The following ANKRD36 variants were observed in gnomAD, a reference collection of about 807,000 sequenced individuals.
ANKRD36 encodes the protein ankyrin repeat domain-containing protein 36A.
Under a neutral mutation model 278.1 loss-of-function variants are expected in ANKRD36, and 179 were observed. That is an observed-to-expected ratio of 0.64 (90% CI 0.57 to 0.73). ANKRD36 has a LOEUF of 0.73. ANKRD36 is among the 30% of genes least tolerant of loss of function. The pLI, the probability that ANKRD36 is intolerant of heterozygous loss-of-function variation, is 0.00. For synonymous variants in ANKRD36, 320 were observed against 641.1 expected (o/e 0.50, Z 7.57); for missense variants, 1,159 against 1,956.7 (o/e 0.59, Z 7.69).
chr2:97,154,348 G>T (rs1443923371), intron 14 of ANKRD36, among the ~76,000 whole-genome samples: 3 of 148,972 alleles, frequency 2.0e-5, no homozygotes, highest in Admixed American at 6.6e-5. Context: ...AGTCTTTAGG[G>T]TAGATAATTT....
At chr2:97,167,965 G>A (rs78404018) in intron 22 of ANKRD36, among the ~76,000 whole-genome samples, 198 bp downstream of exon 22, 4,936 of 110,124 alleles carry the variant, frequency 0.045, no homozygotes, top group African/African-American at 0.085. Flanking sequence ...AAAAATGTGA[G>A]CTCTAGCTCA....
chr2:97,182,002 A>G (rs1249434357), intron 26 of ANKRD36, among the ~76,000 whole-genome samples: 5 of 151,494 alleles, frequency 3.3e-5, no homozygotes, highest in Non-Finnish European at 7.4e-5. Context: ...TGAAATTGGG[A>G]AGAAGAAACG....
In ANKRD36 at chr2:97,158,720, A is replaced by T. The variant is rs2048139880; in HGVS notation, c.1389+65A>T. ...AGAGTCCAGTCCTGTTCACCAACTC[A>T]CTCTTATCTGTTAATGATCTTTAGT... On this transcript the variant is annotated intron_variant, in intron 17 of 75. Transcript: ENST00000420699. 10 of 1,388,712 alleles carry T rather than the reference A, an allele frequency of 7.2e-6. 1 individual carries two copies. In the Middle Eastern group the frequency reaches 5.4e-4, roughly 75 times the overall value. The allele number at this position is 1,388,712 out of a possible 1,614,324, so 86.0% of individuals were successfully genotyped here. A position where few individuals can be genotyped will look rare whatever the true frequency, so the allele number is the denominator to read the frequency against.
In ANKRD36 at chr2:97,194,904, A is replaced by C; in HGVS notation, c.2538A>C (p.Glu846Asp). ...SNITRGKKDGEISRKVSSQKP... is the reference protein window; with the variant it reads ...SNITRGKKDGDISRKVSSQKP... ...TAACCAGAGGAAAAAAGGATGGAGA[A>C]ATATCTAGGAAAGGTAATTTTGCGA... The change falls in exon 40 of 76, where the codon GAA becomes GAC. Residue 846 changes from glutamate to aspartate, a missense_variant. Transcript: ENST00000420699. 1 of 1,553,736 alleles carries C rather than the reference A, an allele frequency of 6.4e-7. No individual in the cohort carries two copies. Among genetic ancestry groups the C allele is most frequent in the African/African-American group, 1.4e-5 (1 of 73,304 alleles).
At chr2:97,203,658 G>A (rs370063011) in intron 48 of ANKRD36, among the ~76,000 whole-genome samples, 8 of 151,922 alleles carry the variant, frequency 5.3e-5, no homozygotes, top group African/African-American at 7.2e-5. Context: ...ATGAATGTTT[G>A]TAGTATAATG....
chr2:97,198,038 G>C lies in ANKRD36; in HGVS notation c.2654-425G>C, dbSNP rs538622365. The stretch of plus-strand genomic sequence containing the variant: ...CTCAGTTATTGGGCAAGTTAAAGAG[G>C]ATGATGAATGTTTGTAGTATAATGG... On this transcript the variant is annotated intron_variant, in intron 42 of 75. Transcript: ENST00000420699. Among the ~76,000 whole-genome samples, 9 of 151,972 alleles carry C rather than the reference G, an allele frequency of 5.9e-5. No individual in the cohort carries two copies. In the South Asian group the frequency reaches 8.4e-4, roughly 14 times the overall value.
chr2:97,200,199 G>A (rs1162278935), intron 44 of ANKRD36, 135 bp from the exon 45 acceptor site: 103 of 1,543,654 alleles, frequency 6.7e-5, no homozygotes, highest in Non-Finnish European at 7.9e-5. Context: ...CTGATCCCCA[G>A]ACACAAAGTA....
At chr2:97,150,792 T>C (rs999222891) in intron 12 of ANKRD36, among the ~76,000 whole-genome samples, 2 of 152,254 alleles carry the variant, frequency 1.3e-5, no homozygotes, top group African/African-American at 4.8e-5. Flanking sequence ...ATTAAATACC[T>C]TTTTTTTGGG....
At chr2:97,193,408 C>T (rs1479702215) in intron 38 of ANKRD36, among the ~76,000 whole-genome samples, 8 of 135,746 alleles carry the variant, frequency 5.9e-5, no homozygotes, top group Admixed American at 7.7e-5. Flanking sequence ...CTTCAGCTCG[C>T]ACTGCCAAGA....
At position 97,187,310 on chromosome 2, in the gene ANKRD36, T is replaced by C; in HGVS notation, c.2071-19T>C. On this transcript the variant is annotated intron_variant, in intron 31 of 75. Transcript: ENST00000420699. ...TCATTGATTTATTTATTTATTATTT[T>C]CTTTCAAATTCCATTCAGGCTACAA... 1 of 1,599,356 alleles carries C rather than the reference T, an allele frequency of 6.3e-7. No individual in the cohort carries two copies. Among genetic ancestry groups the C allele is most frequent in the East Asian group, 2.3e-5 (1 of 43,512 alleles).
At chr2:97,244,202 T>TTTATAATAAACC (rs2075093011) in intron 70 of ANKRD36, among the ~76,000 whole-genome samples, 173 bp downstream of exon 70, 1 of 148,428 alleles carries the variant, frequency 6.7e-6, no homozygotes, top group Non-Finnish European at 1.5e-5. Context: ...CCTTGAAATA[T>TTTATAATAAACC]TTTATTTTAG....
At chr2:97,116,403 A>G (rs1420116556) in intron 1 of ANKRD36, among the ~76,000 whole-genome samples, 1 of 151,944 alleles carries the variant, frequency 6.6e-6, no homozygotes, top group Non-Finnish European at 1.5e-5. Flanking sequence ...CCTCCTGAGT[A>G]GCTGGGATTA....
At chr2:97,200,214 C>A (rs2060958826) in intron 44 of ANKRD36, 120 bp from the exon 45 acceptor site, 1 of 1,569,720 alleles carries the variant, frequency 6.4e-7, no homozygotes, top group Non-Finnish European at 8.6e-7. Flanking sequence ...AAAGTAGAAG[C>A]CATCAAAGCC....
intron 75 of ANKRD36, among the ~76,000 whole-genome samples, chr2:97,260,447 T>C (rs2076623527): frequency 1.5e-5 from 2 of 135,002 alleles, no homozygotes; most frequent in African/African-American, 2.7e-5. Flanking sequence ...CACACACACG[T>C]TTTCTGGACA....
intron 50 of ANKRD36, among the ~76,000 whole-genome samples, chr2:97,205,180 T>C (rs1459366492): frequency 6.6e-6 from 1 of 151,686 alleles, no homozygotes; most frequent in African/African-American, 2.4e-5. Flanking sequence ...ATGTAAAACT[T>C]ATTATTGTCT....
chr2:97,198,130 T>A (rs1384598706), intron 42 of ANKRD36, among the ~76,000 whole-genome samples: 5 of 151,924 alleles, frequency 3.3e-5, no homozygotes, highest in African/African-American at 7.2e-5. Context: ...TTGACATTGA[T>A]TCTCAGGTGC....
At chr2:97,197,181 C>T (rs942737464) in intron 42 of ANKRD36, among the ~76,000 whole-genome samples, 24 of 151,954 alleles carry the variant, frequency 1.6e-4, no homozygotes, top group East Asian at 3.9e-4. Context: ...TGTAATAACC[C>T]GTACACACTG....
At chr2:97,197,906 C>T (rs531744268) in intron 42 of ANKRD36, among the ~76,000 whole-genome samples, 1 of 151,988 alleles carries the variant, frequency 6.6e-6, no homozygotes, top group East Asian at 2.0e-4. Context: ...TGAGTATTAT[C>T]TACTAGATAT....
At position 97,205,702 on chromosome 2, in the gene ANKRD36, T is replaced by C. The variant is rs1055298278; in HGVS notation, c.3062-238T>C. On this transcript the variant is annotated intron_variant, in intron 50 of 75. Transcript: ENST00000420699. ...ATATTGACACGGTTTTATTTTAGTT[T>C]TCGACATATGAGAAATCTTACCACG... Among the ~76,000 whole-genome samples, 3 of 151,454 alleles carry C rather than the reference T, an allele frequency of 2.0e-5. No individual in the cohort carries two copies. The East Asian group carries it at 5.8e-4, about 29-fold the overall frequency.
Sources: allele counts gnomAD v4.1 joint callset (sites outside exome capture counted in the v4.1 genomes callset), GRCh38; gene constraint gnomAD v4.1.1; transcripts MANE v1.5; gene names NCBI Gene and HGNC (gene_info 2026-07-23, HGNC 2026-07-21).